OPCML: variants seen among roughly 807,000 people sequenced by gnomAD.
The protein encoded by OPCML is opioid binding protein/cell adhesion molecule like, also known as opioid-binding protein/cell adhesion molecule.
Under a neutral mutation model 37.8 loss-of-function variants are expected in OPCML, and 13 were observed. The ratio of observed to expected loss-of-function variants is 0.34; its 90% CI spans 0.22 to 0.55. The LOEUF is 0.55. OPCML is among the 20% of genes least tolerant of loss of function. The pLI is 0.91. For synonymous variants in OPCML, 176 were observed against 168.8 expected (o/e 1.04, Z -0.33); for missense variants, 341 against 435.6 (o/e 0.78, Z 1.93).
intron 1 of OPCML, among the ~76,000 whole-genome samples, chr11:133,216,788 A>G (rs1028273339): frequency 3.3e-5 from 5 of 151,770 alleles, no homozygotes; most frequent in Non-Finnish European, 5.9e-5. Flanking sequence ...ATATGAACAA[A>G]TATATACTCA....
chr11:133,467,564 A>C (rs563520625), intron 1 of OPCML, among the ~76,000 whole-genome samples: 17 of 152,278 alleles, frequency 1.1e-4, no homozygotes, highest in Admixed American at 1.1e-3. Context: ...CCCCAAAATA[A>C]AGAAGGATGG....
At chr11:133,494,120 A>T (rs11223487) in intron 1 of OPCML, among the ~76,000 whole-genome samples, 23 of 152,224 alleles carry the variant, frequency 1.5e-4, no homozygotes, top group Non-Finnish European at 2.9e-4. Context: ...ACATAAAAAA[A>T]TGCTCACCAT....
At chr11:133,340,450 C>T (rs1943840202) in intron 1 of OPCML, among the ~76,000 whole-genome samples, 1 of 152,140 alleles carries the variant, frequency 6.6e-6, no homozygotes, top group Non-Finnish European at 1.5e-5. Flanking sequence ...TTTTCCCCAC[C>T]TCCTCTTTTT....
At chr11:132,719,183 G>A (rs1944593190) in intron 2 of OPCML, among the ~76,000 whole-genome samples, 1 of 152,254 alleles carries the variant, frequency 6.6e-6, no homozygotes, top group Non-Finnish European at 1.5e-5. Flanking sequence ...CTTCTGTCAT[G>A]CAGACACTAC....
chr11:132,678,808 T>A lies in OPCML; in HGVS notation c.147-21489A>T, dbSNP rs1486848707. Among the ~76,000 whole-genome samples the A allele has an allele frequency of 3.9e-5, 6 of 152,292 alleles. No individual in the cohort carries two copies. The East Asian group carries it at 1.2e-3, about 29-fold the overall frequency. ...GTATAATACTAGCGTGGTGGCTCTA[T>A]CTCATTACACATTTGTCTAAAACTA... On this transcript the variant is annotated intron_variant, in intron 2 of 7. Coordinates refer to ENST00000524381, the MANE Select transcript of OPCML (RefSeq NM_001012393.5).
intron 1 of OPCML, among the ~76,000 whole-genome samples, chr11:133,493,152 C>G (rs1947703056): frequency 6.6e-6 from 1 of 152,196 alleles, no homozygotes; most frequent in South Asian, 2.1e-4. Flanking sequence ...CCTTGCCCCC[C>G]AGAAGGCCAC....
chr11:133,265,358 C>T (rs1217771040), intron 1 of OPCML, among the ~76,000 whole-genome samples: 1 of 152,106 alleles, frequency 6.6e-6, no homozygotes, highest in Non-Finnish European at 1.5e-5. Context: ...TCTGCAGGGT[C>T]TGATATATTG....
At chr11:132,932,431 G>T (rs1001336404) in intron 2 of OPCML, among the ~76,000 whole-genome samples, 1 of 152,084 alleles carries the variant, frequency 6.6e-6, no homozygotes, top group Non-Finnish European at 1.5e-5. Flanking sequence ...GTATACTGAT[G>T]TGAACCCTAA....
chr11:132,703,747 TG>T (rs1375965915), intron 2 of OPCML, among the ~76,000 whole-genome samples: 1 of 152,064 alleles, frequency 6.6e-6, no homozygotes, highest in Non-Finnish European at 1.5e-5. Flanking sequence ...GACTGGAACT[TG>T]GGTCCATGTG....
intron 1 of OPCML, among the ~76,000 whole-genome samples, chr11:133,492,889 G>T (rs1251198678): frequency 6.6e-6 from 1 of 152,134 alleles, no homozygotes; most frequent in African/African-American, 2.4e-5. Context: ...GGATACAGCA[G>T]CACCATCCCT....
At chr11:132,779,563 C>T (rs2725461) in intron 2 of OPCML, among the ~76,000 whole-genome samples, 5 of 150,320 alleles carry the variant, frequency 3.3e-5, no homozygotes, top group East Asian at 4.0e-4. Flanking sequence ...AGAAGGGGGG[C>T]GTGGGGAGAG....
intron 1 of OPCML, among the ~76,000 whole-genome samples, chr11:133,175,395 C>T (rs1225751348): frequency 2.0e-5 from 3 of 151,698 alleles, no homozygotes; most frequent in Non-Finnish European, 4.4e-5. Flanking sequence ...AAGTCATCTC[C>T]TCTACTGCTT....
intron 1 of OPCML, chr11:133,004,066 G>C: frequency 1.0e-6 from 1 of 985,374 alleles, no homozygotes; most frequent in Non-Finnish European, 1.2e-6. Flanking sequence ...GAAGCGAAGA[G>C]GCAAAGAGCA....
Position 133,071,727 on chromosome 11 carries a change from T to C in OPCML, c.62-128717A>G, listed in dbSNP as rs189727596. Among the ~76,000 whole-genome samples, 334 of 152,316 alleles carry C rather than the reference T, an allele frequency of 2.2e-3. 1 individual carries two copies. The highest frequency in any genetic ancestry group is 7.6e-3 in the African/African-American group (317 of 41,572). ...AAGTGATGGAGAGAGTTTTAGGCCCTTTTATAGTTTAGCTAAATATTTGGT... is the reference window on the plus strand; with the variant it reads ...AAGTGATGGAGAGAGTTTTAGGCCCCTTTATAGTTTAGCTAAATATTTGGT... On this transcript the variant is annotated intron_variant, in intron 1 of 7. Coordinates refer to ENST00000524381, the MANE Select transcript of OPCML (RefSeq NM_001012393.5).
intron 1 of OPCML, among the ~76,000 whole-genome samples, chr11:132,980,985 C>T (rs185777220): frequency 1.2e-4 from 19 of 152,340 alleles, no homozygotes; most frequent in African/African-American, 4.1e-4. Context: ...TATAAACCTG[C>T]AACAGCATGT....
intron 4 of OPCML, among the ~76,000 whole-genome samples, chr11:132,502,417 T>C (rs1592274867): frequency 6.6e-6 from 1 of 152,196 alleles, no homozygotes; most frequent in African/African-American, 2.4e-5. Flanking sequence ...AGTTCTCCCA[T>C]CACAGTTCCT....
intron 1 of OPCML, among the ~76,000 whole-genome samples, chr11:133,269,065 T>A (rs1036993128): frequency 1.3e-5 from 2 of 152,110 alleles, no homozygotes; most frequent in African/African-American, 4.8e-5. Context: ...ATAGAGACAA[T>A]AAGATCTACA....
In OPCML at chr11:132,586,357, C is replaced by A. The variant is rs546110477; in HGVS notation, c.380-57171G>T. Among the ~76,000 whole-genome samples, 4 of 152,280 alleles carry A rather than the reference C, an allele frequency of 2.6e-5. No homozygotes were observed. The South Asian group carries it at 6.2e-4, about 24-fold the overall frequency. On this transcript the variant is annotated intron_variant, in intron 3 of 7. Coordinates refer to ENST00000524381, the MANE Select transcript of OPCML (RefSeq NM_001012393.5). ...AAATTTTTCTTTCTCCTACACAAGT[C>A]AGATAGGTCATGTGTGATTACAGTG...
chr11:132,646,549 T>A (rs1217785985), intron 3 of OPCML, among the ~76,000 whole-genome samples: 2 of 152,130 alleles, frequency 1.3e-5, no homozygotes, highest in Non-Finnish European at 1.5e-5. Context: ...TCAATTAGGA[T>A]GTGACAGGCA....
Sources: allele counts gnomAD v4.1 joint callset (sites outside exome capture counted in the v4.1 genomes callset), GRCh38; gene constraint gnomAD v4.1.1; transcripts MANE v1.5; gene names NCBI Gene and HGNC (gene_info 2026-07-23, HGNC 2026-07-21).